Variants in NFIB observed in about 807,000 individuals in gnomAD.
The protein encoded by NFIB is nuclear factor I B, also known as nuclear factor 1 B-type.
NFIB carries 11 observed loss-of-function variants against 61.5 expected under a neutral mutation model. The ratio of observed to expected loss-of-function variants is 0.18; its 90% CI spans 0.11 to 0.30. The LOEUF is 0.30. NFIB is among the 10% of genes least tolerant of loss of function. The probability of loss-of-function intolerance (pLI) is 1.00; values close to 1 mark genes in which losing one functional copy is unlikely to be tolerated. For synonymous variants in NFIB, 260 were observed against 216.5 expected, an observed-to-expected ratio of 1.20 and a Z score of -1.76; for missense variants, 471 against 608.9, an observed-to-expected ratio of 0.77 and a Z score of 2.38.
At chr9:14,101,163 C>T (rs370784820) in intron 10 of NFIB, among the ~76,000 whole-genome samples, 17 of 152,136 alleles carry the variant, frequency 1.1e-4, no homozygotes, top group East Asian at 3.9e-4. Context: ...AAGATGGTTA[C>T]GTTGAGTTTA....
the NFIB span, among the ~76,000 whole-genome samples, chr9:14,427,945 T>TC: frequency 1.1e-5 from 1 of 94,494 alleles, no homozygotes; most frequent in African/African-American, 4.6e-5. Context: ...TTGTTTTTTT[T>TC]TTTTTTTTTT....
chr9:14,284,579 G>A (rs935797165), intron 2 of NFIB, among the ~76,000 whole-genome samples: 1 of 152,064 alleles, frequency 6.6e-6, no homozygotes, highest in African/African-American at 2.4e-5. Flanking sequence ...TTAGAAAGAT[G>A]CAACCAAAAA....
In NFIB at chr9:14,307,407, T is replaced by G; in HGVS notation, c.144A>C (p.Arg48=). 1.2e-6 allele frequency: 2 copies of G among 1,614,040 alleles called. No homozygotes were observed. The highest frequency in any genetic ancestry group is 1.7e-6 in the Non-Finnish European group (2 of 1,180,014). ...KRKYFKKHEK[R]MSKDEERAVK... ...CTGCTCTTTCTTCATCCTTTGACAT[T>G]CGCTTCTCATGCTTTTTAAAGTACT... Residue 48 remains arginine (R), a synonymous_variant, in exon 2 of 11, where the codon CGA becomes CGC. Coordinates refer to ENST00000380953, the MANE Select transcript of NFIB (RefSeq NM_001190737.2). The surrounding 1 kb of genome is among the most constrained non-coding windows in gnomAD (Gnocchi z 5.3).
chr9:14,192,999 A>G (rs2048116224), intron 2 of NFIB, among the ~76,000 whole-genome samples: 1 of 152,144 alleles, frequency 6.6e-6, no homozygotes, highest in African/African-American at 2.4e-5. Context: ...AATAGATTTC[A>G]CGTGTTTGTT....
rs2032181351 is a variant in NFIB, at chr9:14,082,720, C to T, written c.*5589G>A. ...TGTTTTGCATCAACTTTTATCAGTCCATGCAACTTCAATGCCCTCGATGAA... is the reference window on the plus strand; with the variant it reads ...TGTTTTGCATCAACTTTTATCAGTCTATGCAACTTCAATGCCCTCGATGAA... On this transcript the variant is annotated 3_prime_UTR_variant, in exon 11 of 11. Transcript: ENST00000380953. The T allele has an allele frequency of 5.2e-6, 1 of 191,194 alleles. No individual in the cohort carries two copies. Among genetic ancestry groups the T allele is most frequent in the Admixed American group, 6.3e-5 (1 of 15,778 alleles). 11.8% of individuals were successfully genotyped at this position (191,194 alleles called of 1,614,324 possible). A position where few individuals can be genotyped will look rare whatever the true frequency, so the allele number is the denominator to read the frequency against.
intron 2 of NFIB, among the ~76,000 whole-genome samples, chr9:14,189,515 C>A (rs1174596918): frequency 6.6e-6 from 1 of 151,692 alleles, no homozygotes; most frequent in East Asian, 1.9e-4. Context: ...GTGAAATATG[C>A]ACAAGTATTT....
At position 14,083,479 on chromosome 9, in the gene NFIB, TAA is replaced by T. The variant is rs33918801; in HGVS notation, c.*4828_*4829del. ...TATTGAACTTGAATAGCCTGCACAT[TAA>T]AAAAAAAAAAAAAAAAAAAGTTTTC... On this transcript the variant is annotated 3_prime_UTR_variant, in exon 11 of 11. Coordinates refer to ENST00000380953, the MANE Select transcript of NFIB (RefSeq NM_001190737.2). The T allele has an allele frequency of 0.022, 2,892 of 133,664 alleles. No homozygotes were observed. Among genetic ancestry groups the T allele is most frequent in the East Asian group, 0.069 (589 of 8,520 alleles). The allele number at this position is 133,664 out of a possible 1,614,324, so 8.3% of individuals were successfully genotyped here.
chr9:14,412,832 T>C, the NFIB span, among the ~76,000 whole-genome samples: 1 of 152,144 alleles, frequency 6.6e-6, no homozygotes. Flanking sequence ...TTACATTTTA[T>C]TTAGGAGCTT....
intron 1 of NFIB, among the ~76,000 whole-genome samples, chr9:14,332,082 C>G (rs1459977942): frequency 1.3e-5 from 2 of 152,042 alleles, no homozygotes; most frequent in Admixed American, 6.6e-5. Flanking sequence ...CCTGTAATGC[C>G]AGCACTTTAG....
chr9:14,214,012 G>A (rs1360386182), intron 2 of NFIB, among the ~76,000 whole-genome samples: 4 of 152,008 alleles, frequency 2.6e-5, no homozygotes, highest in South Asian at 2.1e-4. Context: ...TGCCACCTTC[G>A]GGCTATGCAT....
At chr9:14,201,013 C>G (rs2382458) in intron 2 of NFIB, among the ~76,000 whole-genome samples, 127,025 of 152,074 alleles carry the variant, frequency 0.84, 53,316 homozygotes, top group South Asian at 0.93. Flanking sequence ...CCCCAACTCC[C>G]CAAAGCTTCA....
chr9:14,155,466 T>C (rs2043290816), intron 4 of NFIB, among the ~76,000 whole-genome samples: 1 of 152,172 alleles, frequency 6.6e-6, no homozygotes, highest in African/African-American at 2.4e-5. Flanking sequence ...AAAGCACTTA[T>C]CTACAGGAAA....
At chr9:14,432,099 T>C in the NFIB span, among the ~76,000 whole-genome samples, 83,589 of 151,868 alleles carry the variant, frequency 0.55, 23,227 homozygotes, top group Admixed American at 0.63. Context: ...GCTACATATA[T>C]CTCTCCCCAT....
At chr9:14,434,050 G>C in the NFIB span, among the ~76,000 whole-genome samples, 7 of 152,270 alleles carry the variant, frequency 4.6e-5, no homozygotes, top group Non-Finnish European at 1.0e-4. Context: ...TTCTCTAAGA[G>C]CTATTGCAAT....
the NFIB span, among the ~76,000 whole-genome samples, chr9:14,508,005 T>C: frequency 3.3e-5 from 5 of 151,592 alleles, no homozygotes; most frequent in Non-Finnish European, 7.4e-5. Flanking sequence ...TATATATATA[T>C]ATATTCATGT....
chr9:14,424,803 A>G, the NFIB span, among the ~76,000 whole-genome samples: 1 of 152,166 alleles, frequency 6.6e-6, no homozygotes, highest in African/African-American at 2.4e-5. Context: ...CTTTAGCTCC[A>G]GTTTGACATA....
the NFIB span, among the ~76,000 whole-genome samples, chr9:14,482,282 T>G: frequency 6.6e-6 from 1 of 152,178 alleles, no homozygotes; most frequent in Admixed American, 6.5e-5. Flanking sequence ...TACAGTGCCC[T>G]GACCAAGGGC....
At chr9:14,505,971 TA>T in the NFIB span, among the ~76,000 whole-genome samples, 1 of 152,146 alleles carries the variant, frequency 6.6e-6, no homozygotes. Context: ...CTATTATCTC[TA>T]CAGAAATGGT....
chr9:14,134,907 A>AAAAAAAAAAAAAAAAAAAC (rs1563820775), intron 6 of NFIB, among the ~76,000 whole-genome samples: 19 of 125,948 alleles, frequency 1.5e-4, no homozygotes, highest in African/African-American at 5.7e-4. Flanking sequence ...CAAAAAAAAA[A>AAAAAAAAAAAAAAAAAAAC]AAAAAAAAAA....
Sources: allele counts gnomAD v4.1 joint callset (sites outside exome capture counted in the v4.1 genomes callset), GRCh38; gene constraint gnomAD v4.1.1; non-coding constraint Gnocchi (gnomAD v3.1); transcripts MANE v1.5; gene names NCBI Gene and HGNC (gene_info 2026-07-23, HGNC 2026-07-21).